DNAH6: variants seen among roughly 807,000 people sequenced by gnomAD.
DNAH6 encodes the protein axonemal beta dynein heavy chain 6.
A neutral mutation model predicts 491.4 loss-of-function variants in DNAH6; 340 were observed. The observed-to-expected ratio is 0.69, with a 90% CI of 0.63 to 0.76. The LOEUF is 0.76. DNAH6 is among the 30% of genes least tolerant of loss of function. The pLI is 0.00. For synonymous variants in DNAH6, 1,603 were observed against 1,686.1 expected (o/e 0.95, Z 1.21); for missense variants, 4,443 against 4,972.2 (o/e 0.89, Z 3.20).
chr2:84,495,622 A>T, the DNAH6 span, among the ~76,000 whole-genome samples: 1 of 152,218 alleles, frequency 6.6e-6, no homozygotes, highest in Non-Finnish European at 1.5e-5. Flanking sequence ...ATAATTATTA[A>T]TTCTCATAAC....
chr2:84,518,443 A>G (rs1238260444), intron 2 of DNAH6, among the ~76,000 whole-genome samples: 2 of 152,246 alleles, frequency 1.3e-5, no homozygotes, highest in African/African-American at 4.8e-5. Flanking sequence ...TTGTATTTAA[A>G]AAATTGTGTG....
chr2:84,615,386 G>C (rs1686753711), intron 22 of DNAH6, among the ~76,000 whole-genome samples: 1 of 151,978 alleles, frequency 6.6e-6, no homozygotes, highest in Admixed American at 6.6e-5. Context: ...CTGTTCCATT[G>C]GTCTATATGC....
At chr2:84,466,469 A>C in the DNAH6 span, among the ~76,000 whole-genome samples, 1 of 152,260 alleles carries the variant, frequency 6.6e-6, no homozygotes, top group Non-Finnish European at 1.5e-5. Context: ...TTTTGTTCAC[A>C]GTAGCTTACT....
chr2:84,710,162 A>G, intron 55 of DNAH6, 125 bp from the exon 56 acceptor site: 1 of 1,250,780 alleles, frequency 8.0e-7, no homozygotes, highest in South Asian at 1.6e-5. Context: ...AGGGGAGTAC[A>G]GTTTATATAT....
chr2:84,573,809 G>T (rs1682149004), intron 12 of DNAH6, among the ~76,000 whole-genome samples: 1 of 152,256 alleles, frequency 6.6e-6, no homozygotes, highest in African/African-American at 2.4e-5. Context: ...ATTATGGAAA[G>T]CAATTCCTTC....
the DNAH6 span, among the ~76,000 whole-genome samples, chr2:84,493,048 C>A: frequency 1.3e-5 from 2 of 151,680 alleles, no homozygotes; most frequent in South Asian, 4.2e-4. Flanking sequence ...TTTACTATAG[C>A]AGGGGTTGGG....
rs186991634 is a variant in DNAH6, at chr2:84,741,193, G to T, written c.10343-3887G>T. Among the ~76,000 whole-genome samples the T allele has an allele frequency of 8.5e-5, 13 of 152,248 alleles. No individual in the cohort carries two copies. The East Asian group carries it at 2.5e-3, about 29-fold the overall frequency. ...CTTGGTCCCCTTTCCCTGCTTGGCT[G>T]GGTGGCAGCAGCAGTCACATCAGCC... On this transcript the variant is annotated intron_variant, in intron 62 of 76. Transcript: ENST00000389394.
intron 47 of DNAH6, chr2:84,697,986 C>A: frequency 2.0e-6 from 1 of 492,262 alleles, no homozygotes; most frequent in Non-Finnish European, 3.7e-6. Flanking sequence ...TGGCCAGCCT[C>A]TCTTATTCCT....
intron 32 of DNAH6, among the ~76,000 whole-genome samples, 160 bp from the exon 33 acceptor site, chr2:84,641,787 A>G (rs1412854477): frequency 1.3e-5 from 2 of 152,202 alleles, no homozygotes; most frequent in African/African-American, 4.8e-5. Flanking sequence ...ACTTGTCAGT[A>G]TGCTCTGATG....
Position 84,670,429 on chromosome 2 carries a change from A to G in DNAH6, c.6408A>G (p.Gln2136=). 1 of 1,539,824 alleles carries G rather than the reference A, an allele frequency of 6.5e-7. No individual in the cohort carries two copies. The highest frequency in any genetic ancestry group is 1.2e-5 in the South Asian group (1 of 82,130). The change falls in exon 39 of 77, where the codon CAA becomes CAG. Residue 2136 remains glutamine (Q), a synonymous_variant. Transcript: ENST00000389394. ...CTCAAACTTCATCTGCAAGGACACA[A>G]GAGATCATTGAGTCAAAACTGGAGA... is the stretch of plus-strand genomic sequence containing the variant. ...FSAQTSSART[Q]EIIESKLERK...
the DNAH6 span, among the ~76,000 whole-genome samples, chr2:84,503,613 A>AG: frequency 6.6e-6 from 1 of 151,882 alleles, no homozygotes; most frequent in Non-Finnish European, 1.5e-5. Context: ...TCATTTTTTT[A>AG]GGAAAGGCTT....
chr2:84,621,214 G>A lies in DNAH6; in HGVS notation c.3816G>A (p.Lys1272=), dbSNP rs747823277. 175 of 1,551,456 alleles carry A rather than the reference G, an allele frequency of 1.1e-4. No individual in the cohort carries two copies. Among genetic ancestry groups the A allele is most frequent in the Non-Finnish European group, 1.4e-4 (160 of 1,146,886 alleles). ...GERVSLGKGL[K]ARGNVEEWLG... ...AGGTTAGCTTGGGGAAAGGCCTCAAGGCCCGAGGCAATGTAGAGGAATGGC... is the reference window on the plus strand; with the variant it reads ...AGGTTAGCTTGGGGAAAGGCCTCAAAGCCCGAGGCAATGTAGAGGAATGGC... Residue 1272 remains lysine (K), a synonymous_variant, in exon 25 of 77, where the codon AAG becomes AAA. Transcript: ENST00000389394.
At position 84,658,294 on chromosome 2, in the gene DNAH6, G is replaced by A. The variant is rs939118113; in HGVS notation, c.5760G>A (p.Leu1920=). ...ACTATCATTTGTTTCATTTTCAGCT[G>A]ACTGAGGAAACCCAAGAATATATAT... is the stretch of plus-strand genomic sequence containing the variant. ...KTWMKGISKK[L]TEETQEYILN... The change falls in exon 36 of 77, where the codon CTG becomes CTA. Residue 1920 remains leucine, a splice_region_variant and synonymous_variant. Transcript: ENST00000389394. 12 of 1,516,186 alleles carry A rather than the reference G, an allele frequency of 7.9e-6. No individual in the cohort carries two copies. Among genetic ancestry groups the A allele is most frequent in the Non-Finnish European group, 9.7e-6 (11 of 1,129,562 alleles). The allele number at this position is 1,516,186 out of a possible 1,614,324, so 93.9% of individuals were successfully genotyped here. A position where few individuals can be genotyped will look rare whatever the true frequency, so the allele number is the denominator to read the frequency against.
intron 33 of DNAH6, among the ~76,000 whole-genome samples, chr2:84,644,857 T>C (rs1035535843): frequency 2.6e-5 from 4 of 152,316 alleles, no homozygotes; most frequent in East Asian, 3.9e-4. Flanking sequence ...GGCTTTTAGG[T>C]TGGTTACACG....
At chr2:84,728,962 C>T (rs1358274443) in intron 61 of DNAH6, among the ~76,000 whole-genome samples, 1 of 152,120 alleles carries the variant, frequency 6.6e-6, no homozygotes, top group African/African-American at 2.4e-5. Context: ...ACATCTGCAC[C>T]TGTTTGCCAG....
chr2:84,627,960 G>C (rs138356079), intron 29 of DNAH6, among the ~76,000 whole-genome samples: 1 of 152,310 alleles, frequency 6.6e-6, no homozygotes, highest in Non-Finnish European at 1.5e-5. Context: ...CCAGAGAAGA[G>C]GTGAGCATGA....
chr2:84,506,579 C>A, the DNAH6 span, among the ~76,000 whole-genome samples: 2 of 152,162 alleles, frequency 1.3e-5, no homozygotes, highest in Admixed American at 1.3e-4. Context: ...TTACTTAGAT[C>A]TCATTTGTCA....
chr2:84,511,678 A>G (rs565267412), upstream of DNAH6, among the ~76,000 whole-genome samples: 34 of 152,312 alleles, frequency 2.2e-4, no homozygotes, highest in Non-Finnish European at 4.3e-4. Context: ...GCTGGGAGCT[A>G]TAGACTGGAG....
intron 14 of DNAH6, 110 bp downstream of exon 14, chr2:84,579,789 C>A: frequency 1.1e-6 from 1 of 908,300 alleles, no homozygotes. Flanking sequence ...TGTCAAATAT[C>A]AGAAACACTT....
Sources: gnomAD v4.1 joint callset for allele counts (sites outside exome capture counted in the v4.1 genomes callset) on GRCh38, gnomAD v4.1.1 for gene constraint, MANE v1.5 for transcripts, NCBI Gene and HGNC (gene_info 2026-07-23, HGNC 2026-07-21) for gene names.